The following CBFA2T3 variants were observed in gnomAD, a reference collection of about 807,000 sequenced individuals.
The protein encoded by CBFA2T3 is CBFA2/RUNX1 partner transcriptional co-repressor 3.
A neutral mutation model predicts 58.6 loss-of-function variants in CBFA2T3; 31 were observed. The ratio of observed to expected loss-of-function variants is 0.53; its 90% CI spans 0.40 to 0.71. CBFA2T3 has a LOEUF of 0.71. Ranked by LOEUF, CBFA2T3 falls within the 30% of genes least tolerant of loss-of-function variation. CBFA2T3 has a pLI of 0.00. For missense variants in CBFA2T3, 1,076 were observed against 963.1 expected (o/e 1.12, Z -1.55); for synonymous variants, 531 against 421.9 (o/e 1.26, Z -3.17).
intron 1 of CBFA2T3, among the ~76,000 whole-genome samples, chr16:88,959,630 C>T (rs550978476): frequency 2.0e-5 from 3 of 152,238 alleles, no homozygotes; most frequent in South Asian, 2.1e-4. Context: ...GGGAAGGTCC[C>T]GGGGAAACCC....
At chr16:88,880,124 C>G (rs1969008139) in intron 10 of CBFA2T3, 1 of 156,044 alleles carries the variant, frequency 6.4e-6, no homozygotes, top group African/African-American at 2.4e-5. Context: ...AGGCTCAGAG[C>G]AGCCTCCAGG....
intron 1 of CBFA2T3, among the ~76,000 whole-genome samples, chr16:88,971,547 C>T (rs1329609757): frequency 6.6e-6 from 1 of 151,866 alleles, no homozygotes; most frequent in Non-Finnish European, 1.5e-5. Context: ...TGGGCAACTG[C>T]CCGACAGGCC....
At chr16:88,946,387 T>C (rs971505408) in intron 1 of CBFA2T3, among the ~76,000 whole-genome samples, 7 of 152,090 alleles carry the variant, frequency 4.6e-5, no homozygotes, top group Non-Finnish European at 8.8e-5. Flanking sequence ...TCCAACTCAA[T>C]AGCATTCAGG....
chr16:88,934,029 T>C (rs1404174690), intron 1 of CBFA2T3, among the ~76,000 whole-genome samples: 1 of 152,258 alleles, frequency 6.6e-6, no homozygotes, highest in East Asian at 1.9e-4. Flanking sequence ...AGTAAGATTA[T>C]ATATTATAAA....
intron 1 of CBFA2T3, among the ~76,000 whole-genome samples, chr16:88,943,657 T>C (rs1337734416): frequency 6.6e-6 from 1 of 152,112 alleles, no homozygotes; most frequent in Non-Finnish European, 1.5e-5. Flanking sequence ...CTGGGCACCG[T>C]CTCTGCATTT....
intron 1 of CBFA2T3, among the ~76,000 whole-genome samples, chr16:88,924,485 TGGGCAGACA>T (rs1226861118): frequency 6.6e-6 from 1 of 151,670 alleles, no homozygotes; most frequent in Non-Finnish European, 1.5e-5. Context: ...GGTCCAGCAA[TGGGCAGACA>T]CAGGCCAGGG....
intron 5 of CBFA2T3, among the ~76,000 whole-genome samples, chr16:88,891,132 A>G (rs937805939): frequency 1.3e-5 from 2 of 151,978 alleles, no homozygotes; most frequent in African/African-American, 4.8e-5. Context: ...CGGCCTGCGC[A>G]GCCACAGAAG....
Position 88,874,913 on chromosome 16 carries a change from A to G in CBFA2T3, c.*2063T>C. On this transcript the variant is annotated 3_prime_UTR_variant, in exon 12 of 12. Coordinates refer to ENST00000268679, the MANE Select transcript of CBFA2T3 (RefSeq NM_005187.6). ...CTCGTTTATTACCATCATGAATATC[A>G]TTTGGACCTCTGCAAAGACTATATA... 1 of 232,716 alleles carries G rather than the reference A, an allele frequency of 4.3e-6. No individual in the cohort carries two copies. Among genetic ancestry groups the G allele is most frequent in the Non-Finnish European group, 8.5e-6 (1 of 117,448 alleles). 14.4% of individuals were successfully genotyped at this position (232,716 alleles called of 1,614,324 possible). A position where few individuals can be genotyped will look rare whatever the true frequency, so the allele number is the denominator to read the frequency against.
chr16:88,915,967 T>C (rs1970705563), intron 1 of CBFA2T3, among the ~76,000 whole-genome samples: 1 of 152,094 alleles, frequency 6.6e-6, no homozygotes, highest in African/African-American at 2.4e-5. Context: ...CGTGGGTGCA[T>C]GGGTCTGTAT....
intron 1 of CBFA2T3, among the ~76,000 whole-genome samples, chr16:88,924,589 G>C (rs1199029084): frequency 1.3e-5 from 2 of 152,202 alleles, no homozygotes; most frequent in Non-Finnish European, 2.9e-5. Flanking sequence ...CCTCGAAGCA[G>C]CTGGAAGCAG....
intron 1 of CBFA2T3, among the ~76,000 whole-genome samples, chr16:88,972,026 C>A (rs1972668719): frequency 6.6e-6 from 1 of 152,246 alleles, no homozygotes; most frequent in Non-Finnish European, 1.5e-5. Flanking sequence ...CTCCAGGAAG[C>A]TGGCCCGGAT....
In CBFA2T3 at chr16:88,972,482, C is replaced by T. The variant is rs1443610562; in HGVS notation, c.151+4175G>A. On this transcript the variant is annotated intron_variant, in intron 1 of 11. Coordinates refer to ENST00000268679, the MANE Select transcript of CBFA2T3 (RefSeq NM_005187.6). ...CACTCTGCCGCCTCTGTCTGACCTT[C>T]GTAAATCCTCCCTCATGGAGCTGTC... is the stretch of plus-strand genomic sequence containing the variant. 6.6e-5 allele frequency among the ~76,000 whole-genome samples: 10 copies of T among 152,188 alleles called. No homozygotes were observed. The South Asian group carries it at 1.7e-3, about 25-fold the overall frequency.
At chr16:88,879,494 T>A in intron 10 of CBFA2T3, 34 bp from the exon 11 acceptor site, 1 of 1,590,454 alleles carries the variant, frequency 6.3e-7, no homozygotes, top group East Asian at 2.3e-5. Flanking sequence ...GGCGGTCACA[T>A]GGGCCATCCC....
intron 5 of CBFA2T3, among the ~76,000 whole-genome samples, chr16:88,890,347 G>A (rs1022528785): frequency 5.9e-5 from 9 of 152,188 alleles, no homozygotes; most frequent in Non-Finnish European, 1.0e-4. Flanking sequence ...TGGCAGGCTC[G>A]GGCTCAAGCC....
rs536003077 is a variant in CBFA2T3 at position 88,885,254 on chromosome 16, C to G, written c.909G>C (p.Gly303=). The change falls in exon 7 of 12, where the codon GGG becomes GGC. Residue 303 remains glycine (G), a synonymous_variant. Coordinates refer to ENST00000268679, the MANE Select transcript of CBFA2T3 (RefSeq NM_005187.6). This position sits in a 1 kb window ranked among gnomAD's most constrained non-coding sequence, Gnocchi z 5.3. The part of the protein sequence containing the change: ...RRTPDRTKEN[G]SDRDPLHPEH... ...CGGGGTGCAGCGGGTCGCGGTCTGA[C>G]CCGTTCTCTTTGGTCCTAGCCCCAA... 6.4e-7 allele frequency: 1 copy of G among 1,557,488 alleles called. No homozygotes were observed. Among genetic ancestry groups the G allele is most frequent in the African/African-American group, 1.4e-5 (1 of 73,668 alleles).
intron 2 of CBFA2T3, 110 bp from the exon 3 acceptor site, chr16:88,898,262 G>T: frequency 1.2e-6 from 1 of 824,900 alleles, no homozygotes; most frequent in Non-Finnish European, 2.0e-6. Context: ...GATTTTTGGT[G>T]GGGGCGTGGG....
At position 88,898,249 on chromosome 16, in the gene CBFA2T3, A is replaced by C. The variant is rs762017439; in HGVS notation, c.305-97T>G. On this transcript the variant is annotated intron_variant, in intron 2 of 11. Transcript: ENST00000268679. The stretch of plus-strand genomic sequence containing the variant: ...GCGGCCACCTTTTCCTACTTCTCAG[A>C]GTGATTTTTGGTGGGGGCGTGGGCA... 968 of 956,806 alleles carry C rather than the reference A, an allele frequency of 1.0e-3. 5 individuals carry two copies. The highest frequency in any genetic ancestry group is 2.2e-3 in the Middle Eastern group (7 of 3,192). The allele number at this position is 956,806 out of a possible 1,614,324, so 59.3% of individuals were successfully genotyped here.
At chr16:88,924,435 G>A (rs562695097) in intron 1 of CBFA2T3, among the ~76,000 whole-genome samples, 67 of 152,304 alleles carry the variant, frequency 4.4e-4, no homozygotes, top group East Asian at 4.2e-3. Context: ...GGTGGGGAAC[G>A]AGGCTCTCGG....
rs192620044 is a variant in CBFA2T3, at chr16:88,908,770, C to T, written c.152-7114G>A. On this transcript the variant is annotated intron_variant, in intron 1 of 11. Coordinates refer to ENST00000268679, the MANE Select transcript of CBFA2T3 (RefSeq NM_005187.6). ...ACCTTCTTTGACCCCTCACAAAAGC[C>T]TTGGGGCATAGGACGCTGGGCAGGT... Among the ~76,000 whole-genome samples, 62 of 152,396 alleles carry T rather than the reference C, an allele frequency of 4.1e-4. 1 individual carries two copies. Among genetic ancestry groups the T allele is most frequent in the Admixed American group, 4.0e-3 (62 of 15,310 alleles).
Sources: allele counts gnomAD v4.1 joint callset (sites outside exome capture counted in the v4.1 genomes callset), GRCh38; gene constraint gnomAD v4.1.1; non-coding constraint Gnocchi (gnomAD v3.1); transcripts MANE v1.5; gene names NCBI Gene and HGNC (gene_info 2026-07-23, HGNC 2026-07-21).